RBMS2: variants seen among roughly 807,000 people sequenced by gnomAD.
RBMS2 encodes RNA binding motif single stranded interacting protein 2.
In RBMS2, 38 loss-of-function variants were observed where a neutral mutation model predicts 58.4. The ratio of observed to expected loss-of-function variants is 0.65; its 90% CI spans 0.50 to 0.85. The LOEUF is 0.85. Ranked by LOEUF, RBMS2 falls within the 40% of genes least tolerant of loss-of-function variation. The probability of loss-of-function intolerance (pLI) is 0.00; values close to 1 mark genes in which losing one functional copy is unlikely to be tolerated. For missense variants in RBMS2, 367 were observed against 503.7 expected, an observed-to-expected ratio of 0.73 and a Z score of 2.60; for synonymous variants, 151 against 180.7, an observed-to-expected ratio of 0.84 and a Z score of 1.32.
chr12:56,576,138 G>A (rs977381446), intron 5 of RBMS2, among the ~76,000 whole-genome samples: 3 of 152,056 alleles, frequency 2.0e-5, no homozygotes, highest in African/African-American at 7.2e-5. Flanking sequence ...AGGAGGTCAA[G>A]ACCAGCCTGG....
chr12:56,528,249 CAAA>C (rs35558222), intron 1 of RBMS2, among the ~76,000 whole-genome samples: 2 of 135,622 alleles, frequency 1.5e-5, no homozygotes, highest in Non-Finnish European at 1.6e-5. Context: ...GACCATGTAT[CAAA>C]AAAAAAAAAA....
chr12:56,584,916 TG>T (rs1161143447), intron 9 of RBMS2, among the ~76,000 whole-genome samples: 3 of 150,002 alleles, frequency 2.0e-5, no homozygotes, highest in Non-Finnish European at 4.4e-5. Context: ...CTCTGCCTCC[TG>T]GGTTCAAGTG....
chr12:56,534,167 T>C (rs989355787), intron 1 of RBMS2, among the ~76,000 whole-genome samples: 1 of 148,280 alleles, frequency 6.7e-6, no homozygotes, highest in Non-Finnish European at 1.5e-5. Context: ...GATTCATTCA[T>C]GTTGCATATA....
intron 1 of RBMS2, among the ~76,000 whole-genome samples, chr12:56,525,081 G>A (rs539903783): frequency 4.1e-4 from 63 of 152,024 alleles, no homozygotes; most frequent in African/African-American, 1.3e-3. Context: ...ACCAGGGAGG[G>A]TGTTTTTAAA....
At chr12:56,572,407 T>C (rs888055354) in intron 5 of RBMS2, among the ~76,000 whole-genome samples, 1 of 151,892 alleles carries the variant, frequency 6.6e-6, no homozygotes. Context: ...CCCAGGCTGC[T>C]CTTGAACATC....
chr12:56,586,973 A>G, intron 10 of RBMS2, 47 bp downstream of exon 10: 2 of 1,568,276 alleles, frequency 1.3e-6, no homozygotes, highest in South Asian at 2.2e-5. Context: ...ATTTGATGTA[A>G]AGAAAAAACT....
chr12:56,530,791 C>T (rs1203647084), intron 1 of RBMS2, among the ~76,000 whole-genome samples: 1 of 152,170 alleles, frequency 6.6e-6, no homozygotes, highest in Non-Finnish European at 1.5e-5. Flanking sequence ...CGTTCTTGTG[C>T]CTTATGCATT....
At position 56,576,925 on chromosome 12, in the gene RBMS2, C is replaced by T. The variant is rs1426627842; in HGVS notation, c.543-4259C>T. ...GTGTGTTGGTGGGCACCTGTAATTC[C>T]AGCTACTTAGGAGGCTGAGGTGAGA... On this transcript the variant is annotated intron_variant, in intron 5 of 13. Coordinates refer to ENST00000262031, the MANE Select transcript of RBMS2 (RefSeq NM_002898.4). Among the ~76,000 whole-genome samples the T allele has an allele frequency of 2.0e-5, 3 of 150,076 alleles. No individual in the cohort carries two copies. In the East Asian group the frequency reaches 5.9e-4, roughly 29 times the overall value.
At chr12:56,576,413 G>C (rs539740087) in intron 5 of RBMS2, among the ~76,000 whole-genome samples, 1 of 152,058 alleles carries the variant, frequency 6.6e-6, no homozygotes, top group African/African-American at 2.4e-5. Flanking sequence ...CACTGCAAAT[G>C]CTACCCACCC....
intron 5 of RBMS2, chr12:56,580,173 C>T (rs1026910748): frequency 3.2e-5 from 11 of 348,998 alleles, no homozygotes; most frequent in Middle Eastern, 2.2e-3. Context: ...CCTTGTGATC[C>T]GCCCGCCTCA....
chr12:56,537,885 G>A (rs1008950324), intron 1 of RBMS2, among the ~76,000 whole-genome samples: 2 of 150,122 alleles, frequency 1.3e-5, no homozygotes, highest in African/African-American at 4.9e-5. Flanking sequence ...CATCCTGATG[G>A]GTGTGAGGTG....
chr12:56,568,441 G>A (rs1565764097), intron 2 of RBMS2, among the ~76,000 whole-genome samples: 1 of 152,034 alleles, frequency 6.6e-6, no homozygotes, highest in Non-Finnish European at 1.5e-5. Flanking sequence ...GAAATGTGTT[G>A]GTATTATAGG....
chr12:56,562,592 G>A lies in RBMS2; in HGVS notation c.233+9G>A, dbSNP rs375382100. On this transcript the variant is annotated intron_variant, in intron 2 of 13. Coordinates refer to ENST00000262031, the MANE Select transcript of RBMS2 (RefSeq NM_002898.4). ...GTCAAGCTGTGTCAGCCGTAAGTTG[G>A]AGTACATGTGCGTAGGCTTCCAGGG... The A allele has an allele frequency of 8.7e-6, 14 of 1,611,050 alleles. No homozygotes were observed. In the South Asian group the frequency reaches 1.2e-4, roughly 14 times the overall value.
At chr12:56,571,670 C>T in intron 4 of RBMS2, 28 bp from the exon 5 acceptor site, 1 of 1,493,014 alleles carries the variant, frequency 6.7e-7, no homozygotes, top group Non-Finnish European at 9.0e-7. Context: ...GAGATGTGAG[C>T]CTCATTTTCT....
At chr12:56,564,141 G>A (rs1431011003) in intron 2 of RBMS2, among the ~76,000 whole-genome samples, 2 of 151,352 alleles carry the variant, frequency 1.3e-5, no homozygotes, top group African/African-American at 2.4e-5. Flanking sequence ...TGCTAGAGAT[G>A]GGGTTTTACT....
intron 9 of RBMS2, among the ~76,000 whole-genome samples, chr12:56,584,696 A>C (rs1019286623): frequency 3.0e-4 from 46 of 151,778 alleles, no homozygotes; most frequent in Admixed American, 2.6e-3. Context: ...GAGGCAGGAG[A>C]ATGGCGTGAA....
rs912704280 is a variant in RBMS2, at chr12:56,590,703, T to G, written c.*1570T>G. On this transcript the variant is annotated 3_prime_UTR_variant, in exon 14 of 14. Coordinates refer to ENST00000262031, the MANE Select transcript of RBMS2 (RefSeq NM_002898.4). The stretch of plus-strand genomic sequence containing the variant: ...ATAACTCTGCATATAGCAAGAGTGA[T>G]TCTTGAAAGAGCTGTGGCTCCATGC... 10 of 152,364 alleles carry G rather than the reference T, an allele frequency of 6.6e-5. No homozygotes were observed. Among genetic ancestry groups the G allele is most frequent in the African/African-American group, 2.4e-4 (10 of 41,564 alleles). The allele number at this position is 152,364 out of a possible 1,614,324, so 9.4% of individuals were successfully genotyped here.
chr12:56,583,884 T>A (rs1209540134), intron 9 of RBMS2, among the ~76,000 whole-genome samples: 1 of 152,228 alleles, frequency 6.6e-6, no homozygotes, highest in African/African-American at 2.4e-5. Context: ...CTAAATGTTA[T>A]CTTTGTTACA....
rs778296011 is a variant in RBMS2, at chr12:56,592,494, A to T, written c.*3361A>T. 8 of 152,090 alleles carry T rather than the reference A, an allele frequency of 5.3e-5. No homozygotes were observed. The highest frequency in any genetic ancestry group is 8.8e-5 in the Non-Finnish European group (6 of 68,070). The allele number at this position is 152,090 out of a possible 1,614,324, so 9.4% of individuals were successfully genotyped here. A position where few individuals can be genotyped will look rare whatever the true frequency, so the allele number is the denominator to read the frequency against. On this transcript the variant is annotated 3_prime_UTR_variant, in exon 14 of 14. Transcript: ENST00000262031. Reference sequence around the variant, plus strand: ...AGGTCAGGAAGATGTGGAGATGATGATGGAGAGAGATGTTTTTATTTTATT... The same window carrying T: ...AGGTCAGGAAGATGTGGAGATGATGTTGGAGAGAGATGTTTTTATTTTATT...
Sources: allele counts gnomAD v4.1 joint callset (sites outside exome capture counted in the v4.1 genomes callset), GRCh38; gene constraint gnomAD v4.1.1; transcripts MANE v1.5; gene names NCBI Gene and HGNC (gene_info 2026-07-23, HGNC 2026-07-21).